Variants in RIMS1 observed in about 807,000 individuals in gnomAD.
RIMS1 encodes regulating synaptic membrane exocytosis 1.
Under a neutral mutation model 214.1 loss-of-function variants are expected in RIMS1, and 83 were observed. The ratio of observed to expected loss-of-function variants is 0.39; its 90% CI spans 0.32 to 0.47. The LOEUF is 0.47. RIMS1 is among the 20% of genes least tolerant of loss of function. RIMS1 has a pLI of 0.99. For synonymous variants in RIMS1, 793 were observed against 786.8 expected, an observed-to-expected ratio of 1.01 and a Z score of -0.13; for missense variants, 2,050 against 2,161.8, an observed-to-expected ratio of 0.95 and a Z score of 1.03.
intron 4 of RIMS1, among the ~76,000 whole-genome samples, chr6:72,164,102 C>T (rs1360684352): frequency 6.6e-6 from 1 of 152,110 alleles, no homozygotes; most frequent in Non-Finnish European, 1.5e-5. Flanking sequence ...GGGCGCCCCT[C>T]CCCCAGTCTC....
At chr6:71,981,149 C>A (rs779876579) in intron 2 of RIMS1, among the ~76,000 whole-genome samples, 2 of 152,024 alleles carry the variant, frequency 1.3e-5, no homozygotes, top group African/African-American at 4.8e-5. Context: ...CTAATTTTAG[C>A]TTTTTGCTGA....
intron 23 of RIMS1, among the ~76,000 whole-genome samples, chr6:72,279,647 T>G (rs141805653): frequency 6.6e-6 from 1 of 152,160 alleles, no homozygotes; most frequent in African/African-American, 2.4e-5. Flanking sequence ...GAAACAGTGT[T>G]GTCTTGTTCA....
At chr6:72,160,987 A>G (rs2045313373) in intron 4 of RIMS1, among the ~76,000 whole-genome samples, 1 of 139,218 alleles carries the variant, frequency 7.2e-6, no homozygotes, top group African/African-American at 2.5e-5. Flanking sequence ...TCTTTGGTAG[A>G]ATTTGGCTGT....
At chr6:72,292,743 C>G (rs1280366039) in intron 26 of RIMS1, among the ~76,000 whole-genome samples, 1 of 152,082 alleles carries the variant, frequency 6.6e-6, no homozygotes, top group Non-Finnish European at 1.5e-5. Context: ...TAGTAGATGA[C>G]ATGACTTGTT....
intron 1 of RIMS1, among the ~76,000 whole-genome samples, chr6:71,948,643 T>A (rs1788570153): frequency 1.3e-5 from 2 of 152,202 alleles, no homozygotes; most frequent in Admixed American, 6.5e-5. Flanking sequence ...GATTGGCACA[T>A]AATGAGTGTG....
chr6:71,929,188 A>C (rs1470151011), intron 1 of RIMS1, among the ~76,000 whole-genome samples: 2 of 152,092 alleles, frequency 1.3e-5, no homozygotes, highest in Admixed American at 1.3e-4. Context: ...ACTCTCCATG[A>C]GAGCAGAGCT....
intron 2 of RIMS1, among the ~76,000 whole-genome samples, chr6:72,056,012 T>C (rs775519845): frequency 1.3e-5 from 2 of 151,844 alleles, no homozygotes; most frequent in Non-Finnish European, 2.9e-5. Context: ...GAAATAAACC[T>C]AAATGCCCAT....
chr6:72,188,228 T>C (rs1199849952), intron 6 of RIMS1, among the ~76,000 whole-genome samples: 2 of 152,208 alleles, frequency 1.3e-5, no homozygotes, highest in African/African-American at 4.8e-5. Flanking sequence ...CCTTCAATCC[T>C]GTCAAGTTGA....
chr6:72,395,067 T>C (rs147641894), intron 31 of RIMS1, among the ~76,000 whole-genome samples: 33 of 152,184 alleles, frequency 2.2e-4, no homozygotes, highest in Middle Eastern at 3.4e-3. Context: ...GCTTAAGATA[T>C]AATTAGCTAC....
rs2098831051 is a variant in RIMS1, at chr6:72,400,836, A to C, written c.*122A>C. The stretch of plus-strand genomic sequence containing the variant: ...AATCAACTTGTGTTTTGCCTGTAGT[A>C]GTTTTTCAATAATATGTCCCAATTG... On this transcript the variant is annotated 3_prime_UTR_variant, in exon 34 of 34. Coordinates refer to ENST00000521978, the MANE Select transcript of RIMS1 (RefSeq NM_014989.7). 8 of 750,334 alleles carry C rather than the reference A, an allele frequency of 1.1e-5. No homozygotes were observed. The African/African-American group carries it at 1.2e-4, about 12-fold the overall frequency. 46.5% of individuals were successfully genotyped at this position (750,334 alleles called of 1,614,324 possible).
intron 29 of RIMS1, among the ~76,000 whole-genome samples, chr6:72,349,948 CATAGGTT>C (rs2097386726): frequency 1.3e-5 from 2 of 151,944 alleles, no homozygotes; most frequent in Admixed American, 6.6e-5. Context: ...TACTAATTGT[CATAGGTT>C]TTGGAGACTT....
intron 2 of RIMS1, among the ~76,000 whole-genome samples, chr6:72,080,993 A>G (rs895290175): frequency 4.6e-5 from 7 of 152,246 alleles, no homozygotes; most frequent in African/African-American, 1.7e-4. Flanking sequence ...AAAGGGCAAT[A>G]AAACTTAAAG....
At chr6:71,999,765 C>A (rs898754122) in intron 2 of RIMS1, among the ~76,000 whole-genome samples, 1 of 152,086 alleles carries the variant, frequency 6.6e-6, no homozygotes, top group African/African-American at 2.4e-5. Context: ...TTTCTAATTA[C>A]TTTTTGTTGG....
rs374676295 is a variant in RIMS1, at chr6:72,178,766, A to G, written c.472-809A>G. On this transcript the variant is annotated intron_variant, in intron 4 of 33. Coordinates refer to ENST00000521978, the MANE Select transcript of RIMS1 (RefSeq NM_014989.7). ...TTTTATTATGATAATCGTCCTCATT[A>G]TTACATTCATTTTAAAGGTCATCAA... 1.8e-3 allele frequency among the ~76,000 whole-genome samples: 271 copies of G among 152,292 alleles called. 1 individual carries two copies. Among genetic ancestry groups the G allele is most frequent in the African/African-American group, 6.3e-3 (263 of 41,554 alleles).
chr6:72,400,594 C>T lies in RIMS1; in HGVS notation c.4959C>T (p.Ile1653=), dbSNP rs375969391. The change falls in exon 34 of 34, where the codon ATC becomes ATT. Residue 1653 remains isoleucine, a synonymous_variant. Transcript: ENST00000521978. ...LEELDLSSMV[I]GWYKLFPPSS... is the part of the protein sequence containing the mutation. ...AACTCGACCTGTCCAGCATGGTGAT[C>T]GGATGGTACAAATTGTTCCCACCGT... The T allele has an allele frequency of 1.2e-4, 193 of 1,613,820 alleles. 1 individual carries two copies. The Middle Eastern group carries it at 2.8e-3, about 23-fold the overall frequency.
At chr6:71,971,898 A>G (rs570608461) in intron 2 of RIMS1, among the ~76,000 whole-genome samples, 2 of 152,324 alleles carry the variant, frequency 1.3e-5, no homozygotes, top group Non-Finnish European at 2.9e-5. Context: ...CCCAAACCAT[A>G]TCAGATGGAC....
chr6:72,217,566 A>G (rs948516577), intron 6 of RIMS1, among the ~76,000 whole-genome samples: 1 of 152,294 alleles, frequency 6.6e-6, no homozygotes, highest in African/African-American at 2.4e-5. Context: ...CTGATGGATC[A>G]AAGAGTTTGC....
chr6:71,901,168 G>A (rs1429871857), intron 1 of RIMS1, among the ~76,000 whole-genome samples: 1 of 152,060 alleles, frequency 6.6e-6, no homozygotes, highest in Non-Finnish European at 1.5e-5. Flanking sequence ...TATATTGATT[G>A]TGGGCATGAT....
At chr6:72,123,534 T>C (rs1234448585) in intron 4 of RIMS1, among the ~76,000 whole-genome samples, 2 of 151,854 alleles carry the variant, frequency 1.3e-5, no homozygotes, top group Non-Finnish European at 2.9e-5. Context: ...CCTTGTTAAC[T>C]TTCTGTCTCG....
Sources: allele counts gnomAD v4.1 joint callset (sites outside exome capture counted in the v4.1 genomes callset), GRCh38; gene constraint gnomAD v4.1.1; transcripts MANE v1.5; gene names NCBI Gene and HGNC (gene_info 2026-07-23, HGNC 2026-07-21).